TMEM184B: variants seen among roughly 807,000 people sequenced by gnomAD.
The protein encoded by TMEM184B is transmembrane protein 184B, also known as putative MAPK-activating protein FM08.
Under a neutral mutation model 41.8 loss-of-function variants are expected in TMEM184B, and 17 were observed. The ratio of observed to expected loss-of-function variants is 0.41; its 90% CI spans 0.28 to 0.61. The LOEUF is 0.61. Ranked by LOEUF, TMEM184B falls within the 20% of genes least tolerant of loss-of-function variation. The pLI, the probability that TMEM184B is intolerant of heterozygous loss-of-function variation, is 0.34. For missense variants in TMEM184B, 393 were observed against 557.8 expected (o/e 0.70, Z 2.98); for synonymous variants, 240 against 229.5 (o/e 1.05, Z -0.41).
chr22:38,218,226 C>G (rs2091173838), downstream of TMEM184B, among the ~76,000 whole-genome samples: 1 of 152,188 alleles, frequency 6.6e-6, no homozygotes, highest in African/African-American at 2.4e-5. Flanking sequence ...CTCAAACTCA[C>G]TAATTTCAAC....
chr22:38,230,326 C>T (rs2091575343), intron 5 of TMEM184B, among the ~76,000 whole-genome samples: 1 of 152,222 alleles, frequency 6.6e-6, no homozygotes. Flanking sequence ...AACCCTCCTG[C>T]CCCCTAGCTG....
chr22:38,225,392 G>A lies in TMEM184B; in HGVS notation c.787+32C>T, dbSNP rs376243889. 2.0e-6 allele frequency: 3 copies of A among 1,532,216 alleles called. No individual in the cohort carries two copies. Among genetic ancestry groups the A allele is most frequent in the Non-Finnish European group, 2.6e-6 (3 of 1,143,236 alleles). The allele number at this position is 1,532,216 out of a possible 1,614,324, so 94.9% of individuals were successfully genotyped here. A position where few individuals can be genotyped will look rare whatever the true frequency, so the allele number is the denominator to read the frequency against. On this transcript the variant is annotated intron_variant, in intron 7 of 8. Transcript: ENST00000361906. The surrounding 1 kb of genome is among the most constrained non-coding windows in gnomAD (Gnocchi z 4.4). ...GGAAGCGCAGAGGACAGGGTGGCAT[G>A]GGCAGCCTCCAGGTGCTGGGAGGGG...
chr22:38,235,508 CCT>C (rs1459535372), intron 3 of TMEM184B, among the ~76,000 whole-genome samples: 3 of 152,236 alleles, frequency 2.0e-5, no homozygotes, highest in Non-Finnish European at 4.4e-5. Flanking sequence ...TGTCATCATC[CCT>C]CTCAGTTCAA....
chr22:38,216,527 A>G (rs1431021844), downstream of TMEM184B: 1 of 158,282 alleles, frequency 6.3e-6, no homozygotes, highest in Non-Finnish European at 1.5e-5. Flanking sequence ...ATCCTGGACT[A>G]TGTTTTTTGG....
chr22:38,256,787 T>C (rs2092286730), intron 1 of TMEM184B, among the ~76,000 whole-genome samples: 2 of 152,178 alleles, frequency 1.3e-5, no homozygotes, highest in South Asian at 4.1e-4. Context: ...AGATGTAATG[T>C]TAAATACTTC....
At chr22:38,258,404 G>C (rs989026031) in intron 1 of TMEM184B, among the ~76,000 whole-genome samples, 1 of 151,160 alleles carries the variant, frequency 6.6e-6, no homozygotes, top group Non-Finnish European at 1.5e-5. Flanking sequence ...AGGTTCAAGC[G>C]ATTCTCCTGC....
At chr22:38,227,029 G>A (rs759062914) in intron 5 of TMEM184B, among the ~76,000 whole-genome samples, 159 bp from the exon 6 acceptor site, 3 of 149,624 alleles carry the variant, frequency 2.0e-5, no homozygotes, top group Non-Finnish European at 2.9e-5. Flanking sequence ...ATGGAGGGAC[G>A]AAGGGATGGA....
chr22:38,237,342 G>A (rs1176922054), intron 3 of TMEM184B, among the ~76,000 whole-genome samples: 1 of 152,232 alleles, frequency 6.6e-6, no homozygotes, highest in Non-Finnish European at 1.5e-5. Context: ...GGGTCAGGAG[G>A]CAGACACACT....
At chr22:38,240,624 C>T (rs1422375375) in intron 3 of TMEM184B, among the ~76,000 whole-genome samples, 2 of 151,574 alleles carry the variant, frequency 1.3e-5, no homozygotes, top group African/African-American at 4.9e-5. Flanking sequence ...CTGGAAGGGC[C>T]CGCCAGGTTG....
intron 1 of TMEM184B, among the ~76,000 whole-genome samples, chr22:38,252,751 G>A (rs1188579774): frequency 2.0e-5 from 3 of 152,160 alleles, no homozygotes; most frequent in Admixed American, 6.6e-5. Flanking sequence ...CAACCTGCGC[G>A]GGTACTTCTC....
chr22:38,236,909 C>T (rs2091786531), intron 3 of TMEM184B, among the ~76,000 whole-genome samples: 1 of 152,204 alleles, frequency 6.6e-6, no homozygotes, highest in African/African-American at 2.4e-5. Context: ...CCTTCCAAAC[C>T]CGAGGCTCCA....
intron 5 of TMEM184B, among the ~76,000 whole-genome samples, chr22:38,228,389 G>A (rs2091509830): frequency 6.8e-6 from 1 of 147,230 alleles, no homozygotes; most frequent in South Asian, 2.3e-4. Context: ...TGAGGAAACT[G>A]AGGCAGAGAG....
chr22:38,237,755 C>A (rs1368661488), intron 3 of TMEM184B, among the ~76,000 whole-genome samples: 1 of 151,808 alleles, frequency 6.6e-6, no homozygotes. Flanking sequence ...CAAGTGACCC[C>A]AGACTCTAAG....
Position 38,226,305 on chromosome 22 carries a change from T to G in TMEM184B, c.617+474A>C, listed in dbSNP as rs1382002712. The G allele has an allele frequency of 1.3e-5, 2 of 155,250 alleles. No homozygotes were observed. The highest frequency in any genetic ancestry group is 2.9e-5 in the Non-Finnish European group (2 of 70,172). The allele number at this position is 155,250 out of a possible 1,614,324, so 9.6% of individuals were successfully genotyped here. ...CATGTTGGCCAGGCTGGTCTTGAACTCCTGACCTCAGGTGATCTACCCGCG... is the reference window on the plus strand; with the variant it reads ...CATGTTGGCCAGGCTGGTCTTGAACGCCTGACCTCAGGTGATCTACCCGCG... On this transcript the variant is annotated intron_variant, in intron 6 of 8. Transcript: ENST00000361906. This position sits in a 1 kb window ranked among gnomAD's most constrained non-coding sequence, Gnocchi z 4.6.
chr22:38,240,124 A>G (rs1661573104), intron 3 of TMEM184B, among the ~76,000 whole-genome samples: 1 of 152,124 alleles, frequency 6.6e-6, no homozygotes, highest in Non-Finnish European at 1.5e-5. Flanking sequence ...AAAAATAGCC[A>G]AGGATACTGA....
intron 1 of TMEM184B, among the ~76,000 whole-genome samples, chr22:38,250,379 G>T (rs184241878): frequency 5.4e-4 from 82 of 152,302 alleles, no homozygotes; most frequent in East Asian, 3.9e-4. Flanking sequence ...CACACCAATT[G>T]AGACACAAAT....
At position 38,241,883 on chromosome 22, in the gene TMEM184B, C is replaced by CAAAAAAAAAAAAAA. The variant is rs34060428; in HGVS notation, c.358+4038_358+4051dup. On this transcript the variant is annotated intron_variant, in intron 3 of 8. Coordinates refer to ENST00000361906, the MANE Select transcript of TMEM184B (RefSeq NM_012264.5). ...TGGGTGACAGAGCGAGACTCCGTCTCAAAAAAAAAAAAAAAAAAAAAAAAG... is the reference window on the plus strand; with the variant it reads ...TGGGTGACAGAGCGAGACTCCGTCTCAAAAAAAAAAAAAAAAAAAAAAAAAAAAAAAAAAAAAAG... Among the ~76,000 whole-genome samples, 244 of 32,600 alleles carry CAAAAAAAAAAAAAA rather than the reference C, an allele frequency of 7.5e-3. 21 individuals are homozygous for CAAAAAAAAAAAAAA. Among genetic ancestry groups the CAAAAAAAAAAAAAA allele is most frequent in the East Asian group, 0.025 (23 of 916 alleles). The allele number at this position is 32,600 out of a possible 152,430, so 21.4% of individuals were successfully genotyped here. A position where few individuals can be genotyped will look rare whatever the true frequency, so the allele number is the denominator to read the frequency against.
chr22:38,237,620 A>G (rs567152224), intron 3 of TMEM184B, among the ~76,000 whole-genome samples: 8 of 152,346 alleles, frequency 5.3e-5, no homozygotes, highest in Non-Finnish European at 8.8e-5. Flanking sequence ...TTGGGCAGAA[A>G]TCTTCTCTGC....
chr22:38,219,162 C>T, downstream of TMEM184B: 7 of 720,050 alleles, frequency 9.7e-6, no homozygotes, highest in Non-Finnish European at 1.2e-5. Context: ...AATCCGAACC[C>T]CCATCACTGA....
Sources: gnomAD v4.1 joint callset for allele counts (sites outside exome capture counted in the v4.1 genomes callset) on GRCh38, gnomAD v4.1.1 for gene constraint, Gnocchi (gnomAD v3.1) non-coding constraint, MANE v1.5 for transcripts, NCBI Gene and HGNC (gene_info 2026-07-23, HGNC 2026-07-21) for gene names.